ACOXL: variants seen among roughly 807,000 people sequenced by gnomAD.
ACOXL encodes the protein acyl-coenzyme A oxidase-like protein.
In ACOXL, 70 loss-of-function variants were observed where a neutral mutation model predicts 71.9. That is an observed-to-expected ratio of 0.97 (90% CI 0.80 to 1.19). The LOEUF (loss-of-function observed/expected upper bound fraction) is 1.19, where lower values mean the gene tolerates loss of function less well. Among genes scored for constraint, ACOXL ranks in the 50% most tolerant of loss-of-function variants. The pLI is 0.00. For missense variants in ACOXL, 703 were observed against 736.3 expected (o/e 0.95, Z 0.52); for synonymous variants, 253 against 281.6 (o/e 0.90, Z 1.02).
At chr2:110,924,538 A>G (rs928606564) in intron 11 of ACOXL, among the ~76,000 whole-genome samples, 18 of 152,214 alleles carry the variant, frequency 1.2e-4, no homozygotes, top group African/African-American at 4.3e-4. Flanking sequence ...AGTAGATTCT[A>G]TCTCAAGAAA....
intron 7 of ACOXL, among the ~76,000 whole-genome samples, chr2:110,800,667 G>A (rs1421944631): frequency 6.6e-6 from 1 of 152,052 alleles, no homozygotes; most frequent in East Asian, 1.9e-4. Context: ...AAGAGAAGAG[G>A]GAAGAAGTGG....
chr2:110,978,006 A>C (rs752626317), intron 12 of ACOXL, among the ~76,000 whole-genome samples: 9 of 152,200 alleles, frequency 5.9e-5, no homozygotes, highest in South Asian at 2.1e-4. Flanking sequence ...AGGAAAGAGC[A>C]GATGTAGGTT....
At chr2:110,797,047 G>A (rs1486790908) in intron 5 of ACOXL, among the ~76,000 whole-genome samples, 1 of 152,190 alleles carries the variant, frequency 6.6e-6, no homozygotes, top group Non-Finnish European at 1.5e-5. Flanking sequence ...CTCCCAACTT[G>A]CCCCAGGTGC....
chr2:111,070,512 A>C (rs1406717599), intron 16 of ACOXL, among the ~76,000 whole-genome samples: 1 of 152,182 alleles, frequency 6.6e-6, no homozygotes, highest in African/African-American at 2.4e-5. Flanking sequence ...GGAGGCTAGG[A>C]GTAGGGAGAG....
rs193078982 is a variant in ACOXL at position 110,739,776 on chromosome 2, C to T, written c.-23+7002C>T. Among the ~76,000 whole-genome samples the T allele has an allele frequency of 5.9e-5, 9 of 152,316 alleles. No individual in the cohort carries two copies. In the East Asian group the frequency reaches 9.6e-4, roughly 16 times the overall value. ...CCCAGTGGCACCAGCTAGTTGGCTC[C>T]GTCAGCCCTGTAGACTTAGCATCCT... On this transcript the variant is annotated intron_variant, in intron 1 of 17. Coordinates refer to ENST00000439055, the MANE Select transcript of ACOXL (RefSeq NM_001142807.4).
intron 9 of ACOXL, among the ~76,000 whole-genome samples, chr2:110,806,361 G>T (rs907164630): frequency 6.6e-6 from 1 of 152,216 alleles, no homozygotes; most frequent in Non-Finnish European, 1.5e-5. Context: ...GGGGCCGGGT[G>T]GGTGTTCAGG....
intron 12 of ACOXL, among the ~76,000 whole-genome samples, chr2:110,961,421 G>A (rs2061696064): frequency 6.6e-6 from 1 of 152,178 alleles, no homozygotes; most frequent in Non-Finnish European, 1.5e-5. Flanking sequence ...TGCCCTTTGA[G>A]TAGATTCTCT....
At chr2:110,780,049 A>G (rs1021209675) in intron 2 of ACOXL, among the ~76,000 whole-genome samples, 1 of 152,248 alleles carries the variant, frequency 6.6e-6, no homozygotes, top group Non-Finnish European at 1.5e-5. Context: ...TCTGTAATGC[A>G]TATATCTGAC....
At chr2:110,924,190 T>C (rs77445388) in intron 11 of ACOXL, among the ~76,000 whole-genome samples, 213 of 152,354 alleles carry the variant, frequency 1.4e-3, no homozygotes, top group African/African-American at 5.0e-3. Flanking sequence ...CTAATGAGCA[T>C]CTAAGCCTTC....
chr2:111,026,815 A>G (rs1216180383), intron 14 of ACOXL, among the ~76,000 whole-genome samples: 3 of 152,142 alleles, frequency 2.0e-5, no homozygotes, highest in African/African-American at 7.2e-5. Context: ...TTTATTGAAA[A>G]CTACTCAGTT....
At chr2:110,905,443 G>A (rs777574634) in intron 10 of ACOXL, among the ~76,000 whole-genome samples, 11 of 152,170 alleles carry the variant, frequency 7.2e-5, no homozygotes, top group Non-Finnish European at 1.3e-4. Flanking sequence ...AAGCTGAGGC[G>A]TTTTTGGATT....
In ACOXL at chr2:110,798,761, T is replaced by C. The variant is rs3814024; in HGVS notation, c.460+37T>C. On this transcript the variant is annotated intron_variant, in intron 6 of 17. Coordinates refer to ENST00000439055, the MANE Select transcript of ACOXL (RefSeq NM_001142807.4). ...ATACAGACAACTAGAATAATTCTCT[T>C]CATTAGTACTATTTACCAGTGAAAA... The C allele has an allele frequency of 1.6e-3, 2,468 of 1,564,054 alleles. 62 individuals are homozygous for C. In the East Asian group the frequency reaches 0.051, roughly 33 times the overall value.
intron 1 of ACOXL, among the ~76,000 whole-genome samples, chr2:110,757,079 G>A (rs1679801554): frequency 6.6e-6 from 1 of 152,056 alleles, no homozygotes; most frequent in Admixed American, 6.6e-5. Flanking sequence ...AGGCTCCAGT[G>A]CATGTTGTTC....
intron 1 of ACOXL, among the ~76,000 whole-genome samples, chr2:110,734,415 A>G (rs1238981996): frequency 6.6e-6 from 1 of 151,906 alleles, no homozygotes; most frequent in Non-Finnish European, 1.5e-5. Flanking sequence ...GATTACAGGC[A>G]CCCACCACCA....
chr2:110,801,528 G>A, intron 7 of ACOXL, 124 bp from the exon 8 acceptor site: 2 of 820,674 alleles, frequency 2.4e-6, no homozygotes, highest in Non-Finnish European at 3.9e-6. Flanking sequence ...CACCCCCAAG[G>A]AAAAAGCACC....
intron 12 of ACOXL, among the ~76,000 whole-genome samples, chr2:110,946,350 CCTTT>C (rs2061108111): frequency 6.6e-6 from 1 of 152,012 alleles, no homozygotes; most frequent in Non-Finnish European, 1.5e-5. Flanking sequence ...TGACTTCTGC[CCTTT>C]CTATTTGGAT....
intron 12 of ACOXL, among the ~76,000 whole-genome samples, chr2:110,956,353 C>T (rs2061501134): frequency 6.6e-6 from 1 of 152,106 alleles, no homozygotes. Context: ...GTGACAGGAT[C>T]CATGAAGGAA....
intron 1 of ACOXL, among the ~76,000 whole-genome samples, chr2:110,735,213 A>G (rs1289306982): frequency 6.6e-6 from 1 of 152,256 alleles, no homozygotes; most frequent in Non-Finnish European, 1.5e-5. Context: ...ATTTTACCTT[A>G]GCCCATGTTA....
intron 11 of ACOXL, among the ~76,000 whole-genome samples, chr2:110,927,124 C>A (rs1424314152): frequency 6.6e-6 from 1 of 152,062 alleles, no homozygotes; most frequent in Non-Finnish European, 1.5e-5. Flanking sequence ...CACCTTTTTC[C>A]CATGTCAGCA....
Sources: allele counts gnomAD v4.1 joint callset (sites outside exome capture counted in the v4.1 genomes callset), GRCh38; gene constraint gnomAD v4.1.1; transcripts MANE v1.5; gene names NCBI Gene and HGNC (gene_info 2026-07-23, HGNC 2026-07-21).